Variants in ATG5 observed in about 807,000 individuals in gnomAD.
The protein encoded by ATG5 is autophagy related 5.
A neutral mutation model predicts 36.5 loss-of-function variants in ATG5; 14 were observed. The ratio of observed to expected loss-of-function variants is 0.38; its 90% CI spans 0.25 to 0.60. The LOEUF is 0.60. Ranked by LOEUF, ATG5 falls within the 20% of genes least tolerant of loss-of-function variation. ATG5 has a pLI of 0.60. For synonymous variants in ATG5, 95 were observed against 101.5 expected, an observed-to-expected ratio of 0.94 and a Z score of 0.38; for missense variants, 195 against 326.7, an observed-to-expected ratio of 0.60 and a Z score of 3.11.
rs1205929690 is a variant in ATG5 at position 106,186,424 on chromosome 6, A to G, written c.*116T>C. 2.4e-6 allele frequency: 3 copies of G among 1,245,994 alleles called. No individual in the cohort carries two copies. The African/African-American group carries it at 4.5e-5, about 19-fold the overall frequency. 77.2% of individuals were successfully genotyped at this position (1,245,994 alleles called of 1,614,324 possible). On this transcript the variant is annotated 3_prime_UTR_variant, in exon 8 of 8. Transcript: ENST00000369076. ...GGAATCTTTTTCCTGTCTGGCTTGC[A>G]GCAGCGAAGTGTTTCTGGTCAGGTT... is the stretch of plus-strand genomic sequence containing the variant.
At chr6:106,242,679 C>A (rs1218154030) in intron 6 of ATG5, among the ~76,000 whole-genome samples, 3 of 152,048 alleles carry the variant, frequency 2.0e-5, no homozygotes, top group Admixed American at 2.0e-4. Context: ...CAGAATACAT[C>A]CTATTCTGCT....
chr6:106,268,884 T>A (rs1299152288), intron 5 of ATG5, among the ~76,000 whole-genome samples: 1 of 150,330 alleles, frequency 6.7e-6, no homozygotes. Flanking sequence ...TGTCGGTGGG[T>A]TGGGGGCAAG....
intron 5 of ATG5, among the ~76,000 whole-genome samples, chr6:106,279,368 C>T (rs1779786751): frequency 6.6e-6 from 1 of 152,232 alleles, no homozygotes; most frequent in South Asian, 2.1e-4. Context: ...GGAATAAAGA[C>T]CACATCCTTA....
At chr6:106,317,673 A>G (rs2114683606) in intron 1 of ATG5, among the ~76,000 whole-genome samples, 1 of 152,354 alleles carries the variant, frequency 6.6e-6, no homozygotes. Context: ...AATGATATAC[A>G]TGCATGTAAA....
At chr6:106,291,350 A>T (rs1248211894) in intron 4 of ATG5, among the ~76,000 whole-genome samples, 1 of 152,264 alleles carries the variant, frequency 6.6e-6, no homozygotes, top group East Asian at 1.9e-4. Context: ...CAACTAGTAC[A>T]GTGAGGTACA....
At chr6:106,282,252 C>T (rs895769373) in intron 4 of ATG5, among the ~76,000 whole-genome samples, 2 of 152,242 alleles carry the variant, frequency 1.3e-5, no homozygotes, top group Non-Finnish European at 2.9e-5. Context: ...CCTTTCACTT[C>T]ACCTGTCACG....
In ATG5 at chr6:106,254,557, A is replaced by G. The variant is rs1183178319; in HGVS notation, c.479-6313T>C. Among the ~76,000 whole-genome samples the G allele has an allele frequency of 2.0e-5, 3 of 152,210 alleles. No homozygotes were observed. The East Asian group carries it at 5.8e-4, about 29-fold the overall frequency. ...TAGCAAACAAAGTGTGGCATAGTGG[A>G]AAAAGTAGACAGTCTGGAGCCACAC... is the stretch of plus-strand genomic sequence containing the variant. On this transcript the variant is annotated intron_variant, in intron 5 of 7. Coordinates refer to ENST00000369076, the MANE Select transcript of ATG5 (RefSeq NM_004849.4).
intron 6 of ATG5, among the ~76,000 whole-genome samples, chr6:106,233,317 C>T (rs138586783): frequency 6.6e-6 from 1 of 152,164 alleles, no homozygotes; most frequent in African/African-American, 2.4e-5. Context: ...TTCCCAGGTA[C>T]GGCGAAATAG....
chr6:106,291,503 T>C (rs1267090781), intron 4 of ATG5, among the ~76,000 whole-genome samples: 1 of 152,202 alleles, frequency 6.6e-6, no homozygotes, highest in Non-Finnish European at 1.5e-5. Context: ...GATGAATCCA[T>C]TGAAAGGGTT....
In ATG5 at chr6:106,315,276, A is replaced by G. The variant is rs561735624; in HGVS notation, c.108+825T>C. Among the ~76,000 whole-genome samples, 19 of 152,324 alleles carry G rather than the reference A, an allele frequency of 1.2e-4. No homozygotes were observed. In the East Asian group the frequency reaches 3.5e-3, roughly 28 times the overall value. ...ATTTCCTCATCACAAATACACTTCT[A>G]CTTTTCCACATCATCTCCAGGTAAA... On this transcript the variant is annotated intron_variant, in intron 2 of 7. Transcript: ENST00000369076.
At chr6:106,199,377 T>C (rs1427354008) in intron 7 of ATG5, among the ~76,000 whole-genome samples, 1 of 152,238 alleles carries the variant, frequency 6.6e-6, no homozygotes, top group African/African-American at 2.4e-5. Flanking sequence ...CAATGGAGTA[T>C]TATTCACCAA....
At chr6:106,323,095 GTT>G (rs1218808254) in intron 1 of ATG5, among the ~76,000 whole-genome samples, 1 of 151,312 alleles carries the variant, frequency 6.6e-6, no homozygotes, top group African/African-American at 2.4e-5. Flanking sequence ...TGTTTTTTTT[GTT>G]TGTTTGTTTT....
chr6:106,253,260 C>G (rs1408658537), intron 5 of ATG5, among the ~76,000 whole-genome samples: 1 of 152,112 alleles, frequency 6.6e-6, no homozygotes, highest in Non-Finnish European at 1.5e-5. Context: ...GAGAATCAGC[C>G]CTTGAAAATT....
chr6:106,228,822 T>C (rs1236414466), intron 6 of ATG5, among the ~76,000 whole-genome samples: 1 of 152,178 alleles, frequency 6.6e-6, no homozygotes, highest in Non-Finnish European at 1.5e-5. Context: ...GGTATGAGGC[T>C]ATCTGGGGAA....
chr6:106,225,861 A>C (rs1277044419), intron 6 of ATG5, among the ~76,000 whole-genome samples: 2 of 152,238 alleles, frequency 1.3e-5, no homozygotes. Context: ...AGATAGCAAT[A>C]ACAGATGGGA....
At chr6:106,312,708 G>A (rs975391892) in intron 2 of ATG5, among the ~76,000 whole-genome samples, 25 of 151,862 alleles carry the variant, frequency 1.6e-4, no homozygotes, top group Admixed American at 1.2e-3. Flanking sequence ...GAGCACTGCA[G>A]GGCTAACAGG....
intron 3 of ATG5, among the ~76,000 whole-genome samples, chr6:106,299,760 A>G (rs1407537084): frequency 1.3e-5 from 2 of 152,256 alleles, no homozygotes; most frequent in Non-Finnish European, 2.9e-5. Flanking sequence ...TAGTATAAAT[A>G]TCTGTACTCA....
intron 1 of ATG5, among the ~76,000 whole-genome samples, chr6:106,318,822 C>T (rs1770959190): frequency 6.6e-6 from 1 of 152,066 alleles, no homozygotes. Context: ...TAATGCTTAC[C>T]TATAATAAAT....
At chr6:106,252,823 G>A (rs900220414) in intron 5 of ATG5, among the ~76,000 whole-genome samples, 8 of 152,206 alleles carry the variant, frequency 5.3e-5, no homozygotes, top group Admixed American at 2.6e-4. Context: ...CATCTAAGAA[G>A]CCAAGGGAGA....
Sources: gnomAD v4.1 joint callset for allele counts (sites outside exome capture counted in the v4.1 genomes callset) on GRCh38, gnomAD v4.1.1 for gene constraint, MANE v1.5 for transcripts, NCBI Gene and HGNC (gene_info 2026-07-23, HGNC 2026-07-21) for gene names.